CDH19: variants seen among roughly 807,000 people sequenced by gnomAD.
CDH19 encodes cadherin-19.
A neutral mutation model predicts 64.2 loss-of-function variants in CDH19; 67 were observed. That is an observed-to-expected ratio of 1.04 (90% CI 0.86 to 1.28). CDH19 has a LOEUF of 1.28. CDH19 is among the 50% of genes most tolerant of loss of function. The probability of loss-of-function intolerance (pLI) is 0.00; values close to 1 mark genes in which losing one functional copy is unlikely to be tolerated. For missense variants in CDH19, 1,030 were observed against 929.0 expected (o/e 1.11, Z -1.41); for synonymous variants, 346 against 319.3 (o/e 1.08, Z -0.89).
At chr18:66,528,411 G>A (rs1484694980) in intron 9 of CDH19, among the ~76,000 whole-genome samples, 1 of 152,018 alleles carries the variant, frequency 6.6e-6, no homozygotes, top group African/African-American at 2.4e-5. Flanking sequence ...TGGTTCTAGG[G>A]AAAGTGCAAC....
chr18:66,546,855 C>T (rs1385953440), intron 5 of CDH19, among the ~76,000 whole-genome samples: 2 of 152,000 alleles, frequency 1.3e-5, no homozygotes, highest in Non-Finnish European at 2.9e-5. Context: ...AGGATAATTG[C>T]CTGGTGTTGG....
intron 3 of CDH19, among the ~76,000 whole-genome samples, chr18:66,559,677 A>AATAT (rs61389021): frequency 4.7e-5 from 7 of 150,294 alleles, no homozygotes; most frequent in South Asian, 2.1e-4. Flanking sequence ...TTAATATATG[A>AATAT]ATATATATAT....
At chr18:66,603,197 G>T (rs1274571102) in intron 1 of CDH19, among the ~76,000 whole-genome samples, 2 of 149,682 alleles carry the variant, frequency 1.3e-5, no homozygotes, top group African/African-American at 2.4e-5. Flanking sequence ...AAATCCCTTT[G>T]GTAAACTTAT....
chr18:66,518,937 T>C (rs1273339035), intron 9 of CDH19, among the ~76,000 whole-genome samples: 1 of 152,166 alleles, frequency 6.6e-6, no homozygotes, highest in Non-Finnish European at 1.5e-5. Flanking sequence ...GTGCATGCAG[T>C]CTCTCAGACA....
At chr18:66,545,086 C>T (rs1039374114) in intron 5 of CDH19, among the ~76,000 whole-genome samples, 183 bp from the exon 6 acceptor site, 2 of 152,040 alleles carry the variant, frequency 1.3e-5, no homozygotes, top group East Asian at 1.9e-4. Flanking sequence ...TCATGCCATT[C>T]TCCTGCCTCA....
At chr18:66,561,804 G>C (rs1415336708) in intron 3 of CDH19, among the ~76,000 whole-genome samples, 2 of 151,988 alleles carry the variant, frequency 1.3e-5, no homozygotes, top group Admixed American at 1.3e-4. Context: ...CACTTATTCT[G>C]ATAATAAACA....
intron 1 of CDH19, among the ~76,000 whole-genome samples, chr18:66,574,599 T>C (rs1259155593): frequency 6.6e-6 from 1 of 151,592 alleles, no homozygotes; most frequent in Non-Finnish European, 1.5e-5. Context: ...TATCATTGAG[T>C]TGTGAGACAA....
At chr18:66,565,253 A>G (rs1406142383) in intron 3 of CDH19, among the ~76,000 whole-genome samples, 1 of 152,020 alleles carries the variant, frequency 6.6e-6, no homozygotes, top group South Asian at 2.1e-4. Flanking sequence ...CATTTCAAAC[A>G]TAAATGCAGT....
chr18:66,509,115 C>T lies in CDH19; in HGVS notation c.1708G>A (p.Val570Ile). ...LTSTNTLTIH[V>I]CDCGDSGSTQ... ...CTCCCACTGTCACCACAGTCACAGA[C>T]ATGGATGGTAAGGGTGTTTGTACTT... is the stretch of plus-strand genomic sequence containing the variant. Residue 570 changes from valine to isoleucine, a missense_variant, in exon 11 of 12, where the codon GTC (valine) becomes ATC (isoleucine). Val to Ile is a conservative substitution (Grantham distance 29). Transcript: ENST00000262150. The T allele has an allele frequency of 6.2e-7, 1 of 1,612,990 alleles. No individual in the cohort carries two copies. Among genetic ancestry groups the T allele is most frequent in the Non-Finnish European group, 8.5e-7 (1 of 1,179,354 alleles).
intron 9 of CDH19, among the ~76,000 whole-genome samples, chr18:66,515,876 G>A (rs181860586): frequency 6.3e-4 from 95 of 151,830 alleles, no homozygotes; most frequent in Non-Finnish European, 1.0e-3. Flanking sequence ...AGCACTCCAA[G>A]CAATCCTATG....
At chr18:66,566,631 C>G (rs1369660429) in intron 3 of CDH19, among the ~76,000 whole-genome samples, 1 of 151,878 alleles carries the variant, frequency 6.6e-6, no homozygotes, top group Admixed American at 6.6e-5. Context: ...CAGGGGTCTT[C>G]AACTTACCAA....
intron 9 of CDH19, among the ~76,000 whole-genome samples, chr18:66,512,900 G>T (rs1985563016): frequency 6.6e-6 from 1 of 151,328 alleles, no homozygotes; most frequent in African/African-American, 2.4e-5. Context: ...AACCTTCAGG[G>T]TTCATTTTCA....
At chr18:66,585,639 A>T (rs1988555765) in intron 1 of CDH19, among the ~76,000 whole-genome samples, 1 of 152,140 alleles carries the variant, frequency 6.6e-6, no homozygotes, top group Admixed American at 6.6e-5. Context: ...AATAATAAGC[A>T]TCTAGTGATT....
intron 1 of CDH19, among the ~76,000 whole-genome samples, chr18:66,600,131 A>C (rs1989002844): frequency 6.6e-6 from 1 of 151,890 alleles, no homozygotes; most frequent in Non-Finnish European, 1.5e-5. Flanking sequence ...CATTTAGTAT[A>C]ATCTAAATGC....
chr18:66,527,743 A>G (rs1986279944), intron 9 of CDH19, among the ~76,000 whole-genome samples: 2 of 143,782 alleles, frequency 1.4e-5, no homozygotes, highest in African/African-American at 4.9e-5. Flanking sequence ...AACGAGAGCA[A>G]AGCTCCATCT....
chr18:66,504,421 A>G lies in CDH19; in HGVS notation c.*391T>C, dbSNP rs372290428. 1.3e-5 allele frequency: 2 copies of G among 158,668 alleles called. No individual in the cohort carries two copies. Among genetic ancestry groups the G allele is most frequent in the African/African-American group, 4.8e-5 (2 of 41,282 alleles). The allele number at this position is 158,668 out of a possible 1,614,324, so 9.8% of individuals were successfully genotyped here. ...AAATGTAAATGTTATCTCGATTTGT[A>G]CATTTCTATTTGACTTGCAAATTTT... On this transcript the variant is annotated 3_prime_UTR_variant, in exon 12 of 12. Coordinates refer to ENST00000262150, the MANE Select transcript of CDH19 (RefSeq NM_021153.4).
chr18:66,535,394 G>C (rs1986622061), intron 7 of CDH19, among the ~76,000 whole-genome samples: 3 of 151,298 alleles, frequency 2.0e-5, no homozygotes, highest in Middle Eastern at 3.4e-3. Context: ...TATATCTTCA[G>C]CCTAGACGAG....
At chr18:66,566,859 G>C (rs1170227762) in intron 3 of CDH19, among the ~76,000 whole-genome samples, 1 of 151,778 alleles carries the variant, frequency 6.6e-6, no homozygotes, top group African/African-American at 2.4e-5. Context: ...TCTGCCAAAG[G>C]GATCTCATTC....
intron 9 of CDH19, among the ~76,000 whole-genome samples, chr18:66,515,125 A>G (rs1214657732): frequency 6.6e-6 from 1 of 151,710 alleles, no homozygotes. Context: ...AATGCTTCTC[A>G]ATAGAAAAAT....
Sources: gnomAD v4.1 joint callset for allele counts (sites outside exome capture counted in the v4.1 genomes callset) on GRCh38, gnomAD v4.1.1 for gene constraint, MANE v1.5 for transcripts, NCBI Gene and HGNC (gene_info 2026-07-23, HGNC 2026-07-21) for gene names.